ZKSCAN7: variants seen among roughly 807,000 people sequenced by gnomAD.
ZKSCAN7 encodes zinc finger with KRAB and SCAN domains 7, also known as zinc finger protein with KRAB and SCAN domains 7.
A neutral mutation model predicts 65.3 loss-of-function variants in ZKSCAN7; 38 were observed. The ratio of observed to expected loss-of-function variants is 0.58; its 90% confidence interval spans 0.45 to 0.76. ZKSCAN7 has a LOEUF of 0.76. Ranked by LOEUF, ZKSCAN7 falls within the 30% of genes least tolerant of loss-of-function variation. ZKSCAN7 has a pLI of 0.00. For synonymous variants in ZKSCAN7, 321 were observed against 321.0 expected, an observed-to-expected ratio of 1.00 and a Z score of 0.00; for missense variants, 815 against 913.3, an observed-to-expected ratio of 0.89 and a Z score of 1.39.
At position 44,571,900 on chromosome 3, in the gene ZKSCAN7, A is replaced by G. The variant is rs780998785; in HGVS notation, c.*525A>G. ...AATCTTTGTCCCTCACAATTTTTGA[A>G]ATCCATCTCATCACTGAAATACTTT... On this transcript the variant is annotated 3_prime_UTR_variant, in exon 6 of 6. Transcript: ENST00000426540. 35 of 986,836 alleles carry G rather than the reference A, an allele frequency of 3.5e-5. No individual in the cohort carries two copies. Among genetic ancestry groups the G allele is most frequent in the Non-Finnish European group, 4.1e-5 (34 of 830,822 alleles). 61.1% of individuals were successfully genotyped at this position (986,836 alleles called of 1,614,324 possible).
At chr3:44,574,575 C>A (rs532063378), downstream of ZKSCAN7, among the ~76,000 whole-genome samples, 2 of 152,138 alleles carry the variant, frequency 1.3e-5, no homozygotes, top group Non-Finnish European at 2.9e-5. Context: ...TATTCTGTTG[C>A]GTTTAGGAAG....
At chr3:44,557,497 C>T in intron 2 of ZKSCAN7, 27 bp downstream of exon 2, 1 of 1,612,770 alleles carries the variant, frequency 6.2e-7, no homozygotes. Context: ...AGAATGGCGG[C>T]CTGATGCTTC....
chr3:44,568,644 A>G (rs1699705597), intron 5 of ZKSCAN7, among the ~76,000 whole-genome samples: 2 of 152,226 alleles, frequency 1.3e-5, no homozygotes, highest in Admixed American at 1.3e-4. Flanking sequence ...AGTGTGGTTT[A>G]GGTAGGGCTT....
At chr3:44,581,577 A>G (rs923358367) in intron 5 of ZKSCAN7, among the ~76,000 whole-genome samples, 1 of 152,244 alleles carries the variant, frequency 6.6e-6, no homozygotes, top group African/African-American at 2.4e-5. Flanking sequence ...AAGTTTTGTT[A>G]TACAACACAT....
chr3:44,569,850 A>G, intron 5 of ZKSCAN7, 72 bp from the exon 6 acceptor site: 1 of 1,464,524 alleles, frequency 6.8e-7, no homozygotes, highest in Non-Finnish European at 9.0e-7. Flanking sequence ...CAGGTATGTT[A>G]GCTCTTAATG....
downstream of ZKSCAN7, among the ~76,000 whole-genome samples, chr3:44,575,644 C>A (rs1575381106): frequency 6.6e-6 from 1 of 152,334 alleles, no homozygotes; most frequent in East Asian, 1.9e-4. Context: ...ATGGCACGAT[C>A]TCGGCTCACT....
intron 2 of ZKSCAN7, among the ~76,000 whole-genome samples, chr3:44,559,540 C>T (rs759529614): frequency 1.2e-4 from 19 of 152,164 alleles, no homozygotes; most frequent in Non-Finnish European, 2.4e-4. Context: ...GATCCTCCCA[C>T]CTCAGCTTCC....
chr3:44,555,874 C>T (rs1425092125), intron 1 of ZKSCAN7, among the ~76,000 whole-genome samples: 1 of 152,210 alleles, frequency 6.6e-6, no homozygotes, highest in African/African-American at 2.4e-5. Flanking sequence ...TCCTCCACTT[C>T]AGTGTCAGCT....
At chr3:44,580,616 G>C (rs113207159) in intron 5 of ZKSCAN7, 2 of 1,613,852 alleles carry the variant, frequency 1.2e-6, no homozygotes, top group Non-Finnish European at 1.7e-6. Flanking sequence ...ACCCACTGAC[G>C]ATCTCCTTGG....
In ZKSCAN7 at chr3:44,565,068, G is replaced by C. The variant is rs146500758; in HGVS notation, c.424-419G>C. Among the ~76,000 whole-genome samples the C allele has an allele frequency of 7.5e-3, 1,139 of 152,304 alleles. 15 individuals are homozygous for C. The highest frequency in any genetic ancestry group is 0.026 in the African/African-American group (1,088 of 41,560). The stretch of plus-strand genomic sequence containing the variant: ...TCCAACCACCTCGGCCTCCAAAAGT[G>C]CTGGGATTACAGATGTGAGCCACTG... On this transcript the variant is annotated intron_variant, in intron 2 of 5. Transcript: ENST00000426540.
chr3:44,559,487 C>T (rs1699401628), intron 2 of ZKSCAN7, among the ~76,000 whole-genome samples: 1 of 152,112 alleles, frequency 6.6e-6, no homozygotes, highest in Admixed American at 6.5e-5. Flanking sequence ...AGTGTGGTGG[C>T]ACAATCTTGG....
intron 4 of ZKSCAN7, 100 bp downstream of exon 4, chr3:44,568,103 C>T: frequency 6.8e-7 from 1 of 1,478,990 alleles, no homozygotes; most frequent in South Asian, 1.2e-5. Context: ...TAAGACTATT[C>T]CTGTGGCTCT....
chr3:44,565,906 C>A (rs1699618353), intron 3 of ZKSCAN7, among the ~76,000 whole-genome samples: 1 of 152,216 alleles, frequency 6.6e-6, no homozygotes, highest in South Asian at 2.1e-4. Context: ...CATCTATTGT[C>A]ACTGATTTCA....
At chr3:44,558,994 C>T (rs534373467) in intron 2 of ZKSCAN7, among the ~76,000 whole-genome samples, 304 of 151,904 alleles carry the variant, frequency 2.0e-3, no homozygotes, top group Non-Finnish European at 3.5e-3. Flanking sequence ...CAGGCTTGTT[C>T]TTGAATTCCT....
rs749552206 is a variant in ZKSCAN7 at position 44,571,444 on chromosome 3, A to C, written c.*69A>C. ...CTGTCTTTATAAGCAGGATGCTCATAGTGGTTTCCCGGAGCCAGTAGTCAC... is the reference window on the plus strand; with the variant it reads ...CTGTCTTTATAAGCAGGATGCTCATCGTGGTTTCCCGGAGCCAGTAGTCAC... On this transcript the variant is annotated 3_prime_UTR_variant, in exon 6 of 6. Transcript: ENST00000426540. The C allele has an allele frequency of 6.2e-7, 1 of 1,602,788 alleles. No homozygotes were observed.
intron 2 of ZKSCAN7, among the ~76,000 whole-genome samples, chr3:44,562,206 T>C (rs1400325721): frequency 5.3e-5 from 8 of 152,250 alleles, no homozygotes; most frequent in Admixed American, 5.2e-4. Flanking sequence ...ATGTGAAAGC[T>C]GCCAGCTTGG....
downstream of ZKSCAN7, among the ~76,000 whole-genome samples, chr3:44,572,398 AAAAGAG>A (rs1220746369): frequency 2.1e-5 from 3 of 146,176 alleles, no homozygotes; most frequent in Admixed American, 6.9e-5. Context: ...GTATGTATGC[AAAAGAG>A]AGAGAGTGTG....
At chr3:44,563,948 G>A (rs1331197133) in intron 2 of ZKSCAN7, among the ~76,000 whole-genome samples, 1 of 152,192 alleles carries the variant, frequency 6.6e-6, no homozygotes, top group African/African-American at 2.4e-5. Flanking sequence ...AATCCAGGGA[G>A]CCTGCTGGTC....
At chr3:44,572,425 TATGTGTGTGA>T (rs1699833861), downstream of ZKSCAN7, among the ~76,000 whole-genome samples, 1 of 151,794 alleles carries the variant, frequency 6.6e-6, no homozygotes, top group South Asian at 2.1e-4. Flanking sequence ...TGTGTGTGTG[TATGTGTGTGA>T]ATGTGTGTGT....
Sources: allele counts gnomAD v4.1 joint callset (sites outside exome capture counted in the v4.1 genomes callset), GRCh38; gene constraint gnomAD v4.1.1; transcripts MANE v1.5; gene names NCBI Gene and HGNC (gene_info 2026-07-23, HGNC 2026-07-21).